The following RFXAP variants were observed in gnomAD, a reference collection of about 807,000 sequenced individuals.
RFXAP encodes regulatory factor X associated protein, also known as regulatory factor X-associated protein.
In RFXAP, 21 loss-of-function variants were observed where a neutral mutation model predicts 25.7. That is an observed-to-expected ratio of 0.82 (90% CI 0.58 to 1.18). RFXAP has a LOEUF of 1.18. Ranked by LOEUF, RFXAP falls within the 50% of genes most tolerant of loss-of-function variation. The pLI is 0.00. For synonymous variants in RFXAP, 161 were observed against 152.2 expected, an observed-to-expected ratio of 1.06 and a Z score of -0.43; for missense variants, 333 against 363.0, an observed-to-expected ratio of 0.92 and a Z score of 0.67.
chr13:36,824,035 G>A (rs12428828), intron 1 of RFXAP, among the ~76,000 whole-genome samples: 7 of 152,082 alleles, frequency 4.6e-5, no homozygotes, highest in Non-Finnish European at 7.4e-5. Context: ...AAACTCTGTA[G>A]GACAAAAAGC....
chr13:36,824,490 C>G (rs1010585520), intron 1 of RFXAP, among the ~76,000 whole-genome samples: 43 of 152,098 alleles, frequency 2.8e-4, no homozygotes, highest in African/African-American at 1.0e-3. Context: ...AGAGAAAAAA[C>G]AGCATAGATA....
Position 36,819,664 on chromosome 13 carries a change from G to C in RFXAP, c.307G>C (p.Glu103Gln). 1.3e-6 allele frequency: 2 copies of C among 1,548,924 alleles called. No individual in the cohort carries two copies. The highest frequency in any genetic ancestry group is 1.7e-6 in the Non-Finnish European group (2 of 1,145,138). ...LDTSDPPGGG[E>Q]SAASLEDLED... ...CACTTCGGACCCTCCGGGGGGAGGC[G>C]AGAGCGCGGCTAGTTTGGAGGATCT... is the stretch of plus-strand genomic sequence containing the variant. Residue 103 changes from glutamate (E) to glutamine (Q), a missense_variant, in exon 1 of 3, where the codon GAG becomes CAG. Physicochemically the swap from Glu to Gln is conservative, Grantham distance 29. Coordinates refer to ENST00000255476, the MANE Select transcript of RFXAP (RefSeq NM_000538.4).
At chr13:36,820,192 G>C (rs1379805502) in intron 1 of RFXAP, among the ~76,000 whole-genome samples, 1 of 152,202 alleles carries the variant, frequency 6.6e-6, no homozygotes, top group Admixed American at 6.5e-5. Context: ...TAAAAATAAT[G>C]TGACATCGGC....
At position 36,819,531 on chromosome 13, in the gene RFXAP, T is replaced by TGC; in HGVS notation, c.176_177dup (p.Ala60ArgfsTer35). 6.5e-7 allele frequency: 1 copy of TGC among 1,527,248 alleles called. No homozygotes were observed. The highest frequency in any genetic ancestry group is 8.8e-7 in the Non-Finnish European group (1 of 1,135,328). 94.6% of individuals were successfully genotyped at this position (1,527,248 alleles called of 1,614,324 possible). A position where few individuals can be genotyped will look rare whatever the true frequency, so the allele number is the denominator to read the frequency against. ...AACCCTGTGCTGGGCAGGACGAGGCTGCGGCCCCCGGGGGCAGCGTTGGGG... is the reference window on the plus strand; with the variant it reads ...AACCCTGTGCTGGGCAGGACGAGGCTGCGCGGCCCCCGGGGGCAGCGTTGGGG... On this transcript the variant is annotated frameshift_variant, in exon 1 of 3. Coordinates refer to ENST00000255476, the MANE Select transcript of RFXAP (RefSeq NM_000538.4). LOFTEE classifies it high-confidence loss of function.
intron 1 of RFXAP, 54 bp downstream of exon 1, chr13:36,820,011 T>G: frequency 6.3e-7 from 1 of 1,595,768 alleles, no homozygotes; most frequent in Non-Finnish European, 8.5e-7. Flanking sequence ...AAACCCGATC[T>G]TAACGCAAAC....
intron 1 of RFXAP, among the ~76,000 whole-genome samples, chr13:36,821,556 G>A (rs1369192310): frequency 3.3e-5 from 5 of 152,076 alleles, no homozygotes; most frequent in Admixed American, 2.0e-4. Flanking sequence ...CTAGCTACTC[G>A]GGAGGCTGAG....
At chr13:36,826,548 C>T (rs1339786750) in intron 2 of RFXAP, among the ~76,000 whole-genome samples, 1 of 152,102 alleles carries the variant, frequency 6.6e-6, no homozygotes, top group Non-Finnish European at 1.5e-5. Context: ...TCAACTCAGA[C>T]ATCACATTTA....
At chr13:36,825,783 A>G (rs559686820) in intron 2 of RFXAP, among the ~76,000 whole-genome samples, 3 of 152,232 alleles carry the variant, frequency 2.0e-5, no homozygotes, top group Non-Finnish European at 4.4e-5. Context: ...AATGAATGCT[A>G]TAGTCAAAAA....
In RFXAP at chr13:36,827,877, G is replaced by T; in HGVS notation, c.*124G>T. On this transcript the variant is annotated 3_prime_UTR_variant, in exon 3 of 3. Transcript: ENST00000255476. The stretch of plus-strand genomic sequence containing the variant: ...AGAACATAAACATTTTCCTGTAAAT[G>T]TATGTGTGCATTTGGGGATAAGTAA... The T allele has an allele frequency of 1.3e-6, 1 of 761,168 alleles. No homozygotes were observed. 47.2% of individuals were successfully genotyped at this position (761,168 alleles called of 1,614,324 possible). A position where few individuals can be genotyped will look rare whatever the true frequency, so the allele number is the denominator to read the frequency against.
At chr13:36,825,069 G>C (rs1471305965) in intron 1 of RFXAP, among the ~76,000 whole-genome samples, 1 of 152,042 alleles carries the variant, frequency 6.6e-6, no homozygotes, top group African/African-American at 2.4e-5. Context: ...ATTCCACTTG[G>C]CATTTTTTGT....
chr13:36,823,325 T>C (rs185344934), intron 1 of RFXAP, among the ~76,000 whole-genome samples: 1,601 of 152,338 alleles, frequency 0.011, 17 homozygotes, highest in Middle Eastern at 0.017. Flanking sequence ...AAAACACTTT[T>C]GTGAAGATAG....
chr13:36,827,634 C>G lies in RFXAP; in HGVS notation c.709-9C>G, dbSNP rs1332002848. On this transcript the variant is annotated splice_polypyrimidine_tract_variant and intron_variant, in intron 2 of 2. Transcript: ENST00000255476. ...ATGCTATTAATAATTTTTTTCTTTT[C>G]TTTCTAAGTCGTTACTAAGAAGTCC... 3.7e-6 allele frequency: 6 copies of G among 1,602,486 alleles called. No homozygotes were observed. In the South Asian group the frequency reaches 5.5e-5, roughly 15 times the overall value.
At position 36,825,441 on chromosome 13, in the gene RFXAP, A is replaced by G. The variant is rs1372127943; in HGVS notation, c.614A>G (p.Asn205Ser). The G allele has an allele frequency of 1.2e-6, 2 of 1,611,606 alleles. No homozygotes were observed. The highest frequency in any genetic ancestry group is 1.7e-6 in the Non-Finnish European group (2 of 1,178,346). The change falls in exon 2 of 3, where the codon AAC becomes AGC. Residue 205 changes from asparagine to serine, a missense_variant. Coordinates refer to ENST00000255476, the MANE Select transcript of RFXAP (RefSeq NM_000538.4). ...GNVKLEESAD[N>S]ILSIVKQRTG... ...CATTTATCCCAGGAAAGTGCAGATAACATACTCTCCATTGTTAAACAAAGA... is the reference window on the plus strand; with the variant it reads ...CATTTATCCCAGGAAAGTGCAGATAGCATACTCTCCATTGTTAAACAAAGA...
chr13:36,825,159 TCA>T, intron 1 of RFXAP, among the ~76,000 whole-genome samples: 1 of 152,224 alleles, frequency 6.6e-6, no homozygotes, highest in East Asian at 1.9e-4. Context: ...TCACACTCTA[TCA>T]CACACACTAT....
chr13:36,820,221 G>A (rs1430193739), intron 1 of RFXAP, among the ~76,000 whole-genome samples: 1 of 152,158 alleles, frequency 6.6e-6, no homozygotes, highest in Admixed American at 6.5e-5. Context: ...CATAGATCTG[G>A]GATATGGCTG....
Position 36,825,550 on chromosome 13 carries a change from G to T in RFXAP, c.708+15G>T. ...AAAAAAGACTGGTAAATATCTGTTT[G>T]TAAATCAGTTATAAATGTGTTAACA... On this transcript the variant is annotated intron_variant, in intron 2 of 2. Transcript: ENST00000255476. 1 of 1,550,644 alleles carries T rather than the reference G, an allele frequency of 6.4e-7. No homozygotes were observed. Among genetic ancestry groups the T allele is most frequent in the Non-Finnish European group, 8.9e-7 (1 of 1,126,002 alleles).
In RFXAP at chr13:36,828,074, G is replaced by T; in HGVS notation, c.*321G>T. The T allele has an allele frequency of 3.3e-6, 1 of 298,924 alleles. No homozygotes were observed. The highest frequency in any genetic ancestry group is 6.3e-6 in the Non-Finnish European group (1 of 157,660). The allele number at this position is 298,924 out of a possible 1,614,324, so 18.5% of individuals were successfully genotyped here. On this transcript the variant is annotated 3_prime_UTR_variant, in exon 3 of 3. Coordinates refer to ENST00000255476, the MANE Select transcript of RFXAP (RefSeq NM_000538.4). ...TTCTGTGGAAGTCATAAAGTTAATA[G>T]ATATTAATCTTGACTCATCTAGCTC...
Position 36,819,817 on chromosome 13 carries a change from G to GC in RFXAP, c.462dup (p.Lys155GlnfsTer21). ...CTGCAGCGAGACCACGAGCCAGGTG[G>GC]CCAAGCAGCGCAAACCGTGGATGTG... On this transcript the variant is annotated frameshift_variant, in exon 1 of 3. Transcript: ENST00000255476. LOFTEE classifies it high-confidence loss of function. 6.3e-7 allele frequency: 1 copy of GC among 1,599,186 alleles called. No individual in the cohort carries two copies. Among genetic ancestry groups the GC allele is most frequent in the South Asian group, 1.1e-5 (1 of 88,708 alleles).
In RFXAP at chr13:36,826,576, G is replaced by A. The variant is rs147098534; in HGVS notation, c.708+1041G>A. Among the ~76,000 whole-genome samples the A allele has an allele frequency of 3.9e-3, 595 of 152,242 alleles. 6 individuals are homozygous for A. Among genetic ancestry groups the A allele is most frequent in the African/African-American group, 0.013 (545 of 41,538 alleles). ...CACATTTAATATGAAGACATTTACA[G>A]AATGTAAATCCTAAATATGGATAGA... On this transcript the variant is annotated intron_variant, in intron 2 of 2. Coordinates refer to ENST00000255476, the MANE Select transcript of RFXAP (RefSeq NM_000538.4).
Sources: gnomAD v4.1 joint callset for allele counts (sites outside exome capture counted in the v4.1 genomes callset) on GRCh38, gnomAD v4.1.1 for gene constraint, MANE v1.5 for transcripts, NCBI Gene and HGNC (gene_info 2026-07-23, HGNC 2026-07-21) for gene names.